LRRC17: variants seen among roughly 807,000 people sequenced by gnomAD.
LRRC17 encodes the protein leucine rich repeat containing 17, also known as leucine-rich repeat-containing protein 17.
Under a neutral mutation model 41.5 loss-of-function variants are expected in LRRC17, and 33 were observed. The observed-to-expected ratio is 0.80, with a 90% CI of 0.60 to 1.06. The LOEUF (loss-of-function observed/expected upper bound fraction) is 1.06. Ranked by LOEUF, LRRC17 falls within the 50% of genes least tolerant of loss-of-function variation. The pLI is 0.00. For synonymous variants in LRRC17, 192 were observed against 197.0 expected (o/e 0.97, Z 0.21); for missense variants, 491 against 519.3 (o/e 0.95, Z 0.53).
Position 102,944,284 on chromosome 7 carries a change from G to A in LRRC17, c.1003G>A (p.Val335Ile), listed in dbSNP as rs531608842. 79 of 1,613,898 alleles carry A rather than the reference G, an allele frequency of 4.9e-5. No individual in the cohort carries two copies. Among genetic ancestry groups the A allele is most frequent in the Non-Finnish European group, 6.3e-5 (74 of 1,179,864 alleles). The change falls in exon 4 of 4, where the codon GTA becomes ATA. Residue 335 changes from valine to isoleucine, a missense_variant. Transcript: ENST00000339431. ...CAGTCTGCAAAACTTTGACTATGGCGTATTAGAAGACTTGTATTTTTTGAA... is the reference window on the plus strand; with the variant it reads ...CAGTCTGCAAAACTTTGACTATGGCATATTAGAAGACTTGTATTTTTTGAA... ...NNSLQNFDYG[V>I]LEDLYFLKLL...
In LRRC17 at chr7:102,934,370, CCT is replaced by C. The variant is rs1362148028; in HGVS notation, c.462_463del (p.Leu155GlufsTer7). Reference protein sequence around the residue: ...VLTEEVFIYTPLLSYLRLYDN... With the variant: ...VLTEEVFIYTXLLSYLRLYDN... ...GACGGAGGAAGTGTTCATTTACACA[CCT>C]CTCTTGAGCTACCTGCGTCTTTATG... is the stretch of plus-strand genomic sequence containing the variant. On this transcript the variant is annotated frameshift_variant, in exon 2 of 4. Transcript: ENST00000339431. LOFTEE classifies it high-confidence loss of function. The C allele has an allele frequency of 1.9e-6, 3 of 1,614,148 alleles. No homozygotes were observed. The highest frequency in any genetic ancestry group is 2.5e-6 in the Non-Finnish European group (3 of 1,180,004).
chr7:102,928,149 AC>A (rs1818483918), intron 1 of LRRC17, among the ~76,000 whole-genome samples: 1 of 152,202 alleles, frequency 6.6e-6, no homozygotes, highest in Admixed American at 6.5e-5. Flanking sequence ...GGACATCCAA[AC>A]AAAATTAGAC....
At chr7:102,913,404 A>C (rs1038354072) in intron 1 of LRRC17, among the ~76,000 whole-genome samples, 4 of 152,234 alleles carry the variant, frequency 2.6e-5, no homozygotes, top group Non-Finnish European at 1.5e-5. Flanking sequence ...GGTAACACAC[A>C]ATACATTTAA....
chr7:102,935,057 C>T (rs1471382947), intron 2 of LRRC17, among the ~76,000 whole-genome samples: 4 of 152,000 alleles, frequency 2.6e-5, no homozygotes, highest in East Asian at 1.9e-4. Context: ...TGACTTACAC[C>T]GATTAAAGCC....
chr7:102,930,028 G>T (rs1015152011), intron 1 of LRRC17, among the ~76,000 whole-genome samples: 5 of 152,070 alleles, frequency 3.3e-5, no homozygotes, highest in African/African-American at 1.2e-4. Context: ...GGCTAGGGGT[G>T]GTGGGGAGGG....
intron 2 of LRRC17, among the ~76,000 whole-genome samples, chr7:102,936,605 A>T (rs192053277): frequency 6.6e-6 from 1 of 152,294 alleles, no homozygotes; most frequent in Non-Finnish European, 1.5e-5. Context: ...TGAAAACTGG[A>T]ATTATATATT....
chr7:102,915,482 A>G lies in LRRC17; in HGVS notation c.-141+2337A>G, dbSNP rs1251944908. Among the ~76,000 whole-genome samples the G allele has an allele frequency of 1.3e-4, 15 of 117,040 alleles. No individual in the cohort carries two copies. The Admixed American group carries it at 1.5e-3, about 12-fold the overall frequency. 76.8% of individuals were successfully genotyped at this position (117,040 alleles called of 152,430 possible). ...ATTCCAAGAGTTTGAAGGATTTCAC[A>G]TTGAATGTATACCTCGATCTACACC... On this transcript the variant is annotated intron_variant, in intron 1 of 3. Transcript: ENST00000339431.
intron 1 of LRRC17, chr7:102,931,790 T>A (rs1819224320): frequency 8.2e-7 from 1 of 1,220,406 alleles, no homozygotes; most frequent in South Asian, 1.5e-5. Context: ...GAATCCCAAA[T>A]AAGCACACAA....
At chr7:102,919,602 C>G (rs989305496) in intron 1 of LRRC17, among the ~76,000 whole-genome samples, 1 of 152,182 alleles carries the variant, frequency 6.6e-6, no homozygotes, top group Admixed American at 6.5e-5. Context: ...AGGTTACCAA[C>G]AAAGGAACAA....
rs778992453 is a variant in LRRC17 at position 102,933,970 on chromosome 7, C to T, written c.57C>T (p.Arg19=). The T allele has an allele frequency of 1.2e-6, 2 of 1,614,028 alleles. No individual in the cohort carries two copies. The highest frequency in any genetic ancestry group is 1.1e-5 in the South Asian group (1 of 91,046). ...LLCFCKAAEL[R]KASPGSVRSR... The stretch of plus-strand genomic sequence containing the variant: ...GCTTTTGCAAAGCGGCTGAGCTGCG[C>T]AAAGCAAGCCCAGGCAGTGTGAGAA... Residue 19 remains arginine, a synonymous_variant, in exon 2 of 4, where the codon CGC becomes CGT. Transcript: ENST00000339431.
At position 102,942,311 on chromosome 7, in the gene LRRC17, C is replaced by G. The variant is rs772904423; in HGVS notation, c.929-1899C>G. The G allele has an allele frequency of 5.6e-6, 9 of 1,597,034 alleles. No homozygotes were observed. The Admixed American group carries it at 1.6e-4, about 28-fold the overall frequency. ...TCAGGGTCTTTGAGATGAAACCCTG[C>G]AAGTAGACTTACGTGAATGATTTTT... On this transcript the variant is annotated intron_variant, in intron 3 of 3. Transcript: ENST00000339431.
chr7:102,923,666 C>CA (rs1233221614), intron 1 of LRRC17, among the ~76,000 whole-genome samples: 3 of 151,412 alleles, frequency 2.0e-5, no homozygotes, highest in African/African-American at 7.3e-5. Flanking sequence ...ACTAAAAATA[C>CA]AAAAAAACTT....
At position 102,944,290 on chromosome 7, in the gene LRRC17, G is replaced by C; in HGVS notation, c.1009G>C (p.Glu337Gln). ...SLQNFDYGVL[E>Q]DLYFLKLLWL... is the part of the protein sequence containing the mutation. Reference sequence around the variant, plus strand: ...GCAAAACTTTGACTATGGCGTATTAGAAGACTTGTATTTTTTGAAACTCTT... The same window carrying C: ...GCAAAACTTTGACTATGGCGTATTACAAGACTTGTATTTTTTGAAACTCTT... The change falls in exon 4 of 4, where the codon GAA (glutamate) becomes CAA (glutamine). Residue 337 changes from glutamate to glutamine, a missense_variant. By Grantham distance (29) the Glu-to-Gln change is conservative. Transcript: ENST00000339431. The C allele has an allele frequency of 6.2e-7, 1 of 1,613,926 alleles. No individual in the cohort carries two copies. Among genetic ancestry groups the C allele is most frequent in the South Asian group, 1.1e-5 (1 of 91,066 alleles).
chr7:102,922,933 G>A (rs1172366192), intron 1 of LRRC17, among the ~76,000 whole-genome samples: 5 of 152,074 alleles, frequency 3.3e-5, no homozygotes, highest in African/African-American at 7.2e-5. Flanking sequence ...AGCTGAGATC[G>A]CGCCACTGCA....
chr7:102,927,682 A>G (rs963862467), intron 1 of LRRC17, among the ~76,000 whole-genome samples: 1 of 152,200 alleles, frequency 6.6e-6, no homozygotes, highest in Non-Finnish European at 1.5e-5. Flanking sequence ...ATGCTGCATG[A>G]GAGGCCAGTG....
At position 102,944,762 on chromosome 7, in the gene LRRC17, A is replaced by G; in HGVS notation, c.*155A>G. 1.5e-6 allele frequency: 1 copy of G among 651,376 alleles called. No homozygotes were observed. The highest frequency in any genetic ancestry group is 2.5e-6 in the Non-Finnish European group (1 of 402,624). The allele number at this position is 651,376 out of a possible 1,614,324, so 40.3% of individuals were successfully genotyped here. ...TTATAAGTATTATTGTGACTATTAT[A>G]GTAATCAAGAGAATGCTATCATCCT... is the stretch of plus-strand genomic sequence containing the variant. On this transcript the variant is annotated 3_prime_UTR_variant, in exon 4 of 4. Transcript: ENST00000339431.
At chr7:102,921,507 C>T (rs1046970913) in intron 1 of LRRC17, among the ~76,000 whole-genome samples, 4 of 150,920 alleles carry the variant, frequency 2.7e-5, no homozygotes, top group Non-Finnish European at 4.4e-5. Context: ...TGGTGAAACC[C>T]TGTCTCTACT....
chr7:102,925,050 T>C (rs1817849384), intron 1 of LRRC17, among the ~76,000 whole-genome samples: 1 of 152,226 alleles, frequency 6.6e-6, no homozygotes, highest in African/African-American at 2.4e-5. Flanking sequence ...AAAGTCAAAT[T>C]TGAATCTCTC....
At chr7:102,927,199 C>T (rs1364580747) in intron 1 of LRRC17, among the ~76,000 whole-genome samples, 1 of 152,204 alleles carries the variant, frequency 6.6e-6, no homozygotes, top group Non-Finnish European at 1.5e-5. Flanking sequence ...ATATAAAATA[C>T]AACGAGTAGC....
Sources: gnomAD v4.1 joint callset for allele counts (sites outside exome capture counted in the v4.1 genomes callset) on GRCh38, gnomAD v4.1.1 for gene constraint, MANE v1.5 for transcripts, NCBI Gene and HGNC (gene_info 2026-07-23, HGNC 2026-07-21) for gene names.